The following DENND6B variants were observed in gnomAD, a reference collection of about 807,000 sequenced individuals.
DENND6B encodes protein DENND6B.
DENND6B carries 73 observed loss-of-function variants against 85.1 expected under a neutral mutation model. The ratio of observed to expected loss-of-function variants is 0.86; its 90% confidence interval spans 0.71 to 1.04. The LOEUF is 1.04. Ranked by LOEUF, DENND6B falls within the 50% of genes least tolerant of loss-of-function variation. The probability of loss-of-function intolerance (pLI) is 0.00; values close to 1 mark genes in which losing one functional copy is unlikely to be tolerated. For missense variants in DENND6B, 715 were observed against 785.8 expected, an observed-to-expected ratio of 0.91 and a Z score of 1.08; for synonymous variants, 357 against 329.3, an observed-to-expected ratio of 1.08 and a Z score of -0.91.
chr22:50,316,809 G>A, intron 5 of DENND6B: 2 of 1,218,882 alleles, frequency 1.6e-6, no homozygotes, highest in Non-Finnish European at 2.1e-6. Flanking sequence ...AGGCTGGGTT[G>A]CCCTGACACT....
In DENND6B at chr22:50,317,437, G is replaced by A. The variant is rs111751432; in HGVS notation, c.373-64C>T. The A allele has an allele frequency of 2.4e-5, 38 of 1,584,994 alleles. 1 individual carries two copies. The African/African-American group carries it at 2.7e-4, about 11-fold the overall frequency. ...GGACCACCTGGCCAGCCCCAGGGCT[G>A]GGAGTGGCAAGGAGCATGCAGGGAC... On this transcript the variant is annotated intron_variant, in intron 4 of 19. Transcript: ENST00000413817.
intron 19 of DENND6B, 32 bp downstream of exon 19, chr22:50,312,311 T>C (rs1569194484): frequency 8.7e-6 from 14 of 1,611,000 alleles, no homozygotes; most frequent in Non-Finnish European, 1.2e-5. Flanking sequence ...GCCAGGCTGG[T>C]GGCGCTGGGA....
rs781468640 is a variant in DENND6B at position 50,316,480 on chromosome 22, A to T, written c.454-5T>A. The T allele has an allele frequency of 3.8e-5, 60 of 1,569,240 alleles. No individual in the cohort carries two copies. The highest frequency in any genetic ancestry group is 4.9e-5 in the Non-Finnish European group (57 of 1,158,804). On this transcript the variant is annotated splice_polypyrimidine_tract_variant and splice_region_variant and intron_variant, in intron 5 of 19. Coordinates refer to ENST00000413817, the MANE Select transcript of DENND6B (RefSeq NM_001001794.4). ...GCGGGACACCAGCACCAAAGACTGCAGGGCCACGGGGCCAGTTAGAGGCCC... is the reference window on the plus strand; with the variant it reads ...GCGGGACACCAGCACCAAAGACTGCTGGGCCACGGGGCCAGTTAGAGGCCC...
intron 1 of DENND6B, among the ~76,000 whole-genome samples, chr22:50,325,758 A>T (rs912913439): frequency 6.6e-6 from 1 of 152,164 alleles, no homozygotes; most frequent in African/African-American, 2.4e-5. Context: ...CCACCCAGTG[A>T]TGCTGTTTGA....
chr22:50,311,877 C>A lies in DENND6B; in HGVS notation c.*262G>T. Reference sequence around the variant, plus strand: ...GCTCCCAGCCTGTCCCCGCCCCCGTCCCAGCCTAAGGTCTGCAGAGGCCAG... The same window carrying A: ...GCTCCCAGCCTGTCCCCGCCCCCGTACCAGCCTAAGGTCTGCAGAGGCCAG... On this transcript the variant is annotated 3_prime_UTR_variant, in exon 20 of 20. Transcript: ENST00000413817. 2 of 548,194 alleles carry A rather than the reference C, an allele frequency of 3.6e-6. No homozygotes were observed. Among genetic ancestry groups the A allele is most frequent in the Non-Finnish European group, 3.1e-6 (1 of 317,680 alleles). 34.0% of individuals were successfully genotyped at this position (548,194 alleles called of 1,614,324 possible). A position where few individuals can be genotyped will look rare whatever the true frequency, so the allele number is the denominator to read the frequency against.
intron 1 of DENND6B, among the ~76,000 whole-genome samples, chr22:50,321,698 T>C (rs144337033): frequency 0.04 from 6,100 of 152,180 alleles, 171 homozygotes; most frequent in East Asian, 0.1. Flanking sequence ...AGACAAGGTC[T>C]CACTGTCACC....
Position 50,314,860 on chromosome 22 carries a change from G to T in DENND6B, c.820C>A (p.Pro274Thr), listed in dbSNP as rs955257069. The T allele has an allele frequency of 6.2e-7, 1 of 1,612,108 alleles. No homozygotes were observed. The highest frequency in any genetic ancestry group is 8.5e-7 in the Non-Finnish European group (1 of 1,179,638). Reference protein sequence around the residue: ...TLWELMLLGEPLLVLAPSPDV... With the variant: ...TLWELMLLGETLLVLAPSPDV... ...GGCGAGGGTGCCAGGACTAGCAGGGGCTCCCCGAGGAGCATGAGCTCCCAC... is the reference window on the plus strand; with the variant it reads ...GGCGAGGGTGCCAGGACTAGCAGGGTCTCCCCGAGGAGCATGAGCTCCCAC... The change falls in exon 10 of 20, where the codon CCC becomes ACC. Residue 274 changes from proline (P) to threonine (T), a missense_variant. Transcript: ENST00000413817.
intron 1 of DENND6B, among the ~76,000 whole-genome samples, chr22:50,321,811 C>T (rs966862765): frequency 6.6e-6 from 1 of 152,078 alleles, no homozygotes; most frequent in Non-Finnish European, 1.5e-5. Flanking sequence ...GGACTACAGG[C>T]GTGCGCCCCC....
chr22:50,313,122 G>A lies in DENND6B; in HGVS notation c.1348-14C>T, dbSNP rs1010298982. On this transcript the variant is annotated splice_polypyrimidine_tract_variant and intron_variant, in intron 16 of 19. Transcript: ENST00000413817. ...CTGGGGGGGAGTCTGAGAGGGGATGGGTGAGCCAGCACGTGGGAACTCGGC... is the reference window on the plus strand; with the variant it reads ...CTGGGGGGGAGTCTGAGAGGGGATGAGTGAGCCAGCACGTGGGAACTCGGC... 5.8e-6 allele frequency: 9 copies of A among 1,550,640 alleles called. No individual in the cohort carries two copies. In the African/African-American group the frequency reaches 1.2e-4, roughly 21 times the overall value.
In DENND6B at chr22:50,319,015, G is replaced by A. The variant is rs774056012; in HGVS notation, c.178-12C>T. Reference sequence around the variant, plus strand: ...TTCGGATACACCAGCTGCAGAGGAAGACAGAGTGCTTGGTGACACCATCTG... The same window carrying A: ...TTCGGATACACCAGCTGCAGAGGAAAACAGAGTGCTTGGTGACACCATCTG... On this transcript the variant is annotated splice_polypyrimidine_tract_variant and intron_variant, in intron 1 of 19. Coordinates refer to ENST00000413817, the MANE Select transcript of DENND6B (RefSeq NM_001001794.4). 2.0e-5 allele frequency: 32 copies of A among 1,591,136 alleles called. No homozygotes were observed. Among genetic ancestry groups the A allele is most frequent in the Non-Finnish European group, 2.1e-5 (25 of 1,169,168 alleles).
rs1343288450 is a variant in DENND6B, at chr22:50,318,875, G to A, written c.231C>T (p.Cys77=). The change falls in exon 3 of 20, where the codon TGC becomes TGT. Residue 77 remains cysteine, a synonymous_variant. Coordinates refer to ENST00000413817, the MANE Select transcript of DENND6B (RefSeq NM_001001794.4). ...RLTDKEKSSI[C]YLSFPDSHSG... The stretch of plus-strand genomic sequence containing the variant: ...AGTGCGAGTCGGGAAAAGACAGGTA[G>A]CAGATGCTGCTTTTCTGAAACATAT... 1.9e-6 allele frequency: 3 copies of A among 1,613,298 alleles called. No individual in the cohort carries two copies.
Position 50,316,169 on chromosome 22 carries a change from C to G in DENND6B, c.639+5G>C. Reference sequence around the variant, plus strand: ...GAGCCTACTCCCCAGCCAGCTGGCTCTCACCTGGACAACAACGCCCATGAC... The same window carrying G: ...GAGCCTACTCCCCAGCCAGCTGGCTGTCACCTGGACAACAACGCCCATGAC... On this transcript the variant is annotated splice_donor_5th_base_variant and intron_variant, in intron 7 of 19. Transcript: ENST00000413817. 1 of 1,612,488 alleles carries G rather than the reference C, an allele frequency of 6.2e-7. No homozygotes were observed. The highest frequency in any genetic ancestry group is 1.1e-5 in the South Asian group (1 of 91,088).
Position 50,317,908 on chromosome 22 carries a change from C to G in DENND6B, c.372G>C (p.Gln124His). 6.2e-7 allele frequency: 1 copy of G among 1,606,764 alleles called. No individual in the cohort carries two copies. The highest frequency in any genetic ancestry group is 1.1e-5 in the South Asian group (1 of 90,932). The change falls in exon 4 of 20, where the codon CAG becomes CAC. Residue 124 changes from glutamine (Q) to histidine (H), a missense_variant and splice_region_variant. By Grantham distance (24) the Gln-to-His change is conservative (BLOSUM62 0). Coordinates refer to ENST00000413817, the MANE Select transcript of DENND6B (RefSeq NM_001001794.4). Reference sequence around the variant, plus strand: ...GCCAGAGACGCAGCCCAGTGCTCACCTGCAGTGCCACAGGGGCCCTGCTGT... The same window carrying G: ...GCCAGAGACGCAGCCCAGTGCTCACGTGCAGTGCCACAGGGGCCCTGCTGT... ...HYNSRAPVAL[Q>H]REPAHYFGYV...
Position 50,314,855 on chromosome 22 carries a change from CA to C in DENND6B, c.824del (p.Leu275ArgfsTer2). 2 of 1,612,000 alleles carry C rather than the reference CA, an allele frequency of 1.2e-6. No individual in the cohort carries two copies. The highest frequency in any genetic ancestry group is 1.7e-6 in the Non-Finnish European group (2 of 1,179,588). ...CGTCGGGCGAGGGTGCCAGGACTAG[CA>C]GGGGCTCCCCGAGGAGCATGAGCTC... ...LWELMLLGEPLLVLAPSPDVS... is the reference protein window; with the variant it reads ...LWELMLLGEPXLVLAPSPDVS... On this transcript the variant is annotated frameshift_variant, in exon 10 of 20. Transcript: ENST00000413817. LOFTEE classifies it high-confidence loss of function.
chr22:50,319,986 G>T (rs111701671), intron 1 of DENND6B, among the ~76,000 whole-genome samples: 1 of 152,292 alleles, frequency 6.6e-6, no homozygotes, highest in Non-Finnish European at 1.5e-5. Context: ...GTAGGTCCAC[G>T]CACACATGGA....
chr22:50,313,754 T>G, intron 14 of DENND6B, 30 bp from the exon 15 acceptor site: 5 of 1,607,240 alleles, frequency 3.1e-6, no homozygotes, highest in Non-Finnish European at 3.4e-6. Flanking sequence ...AGGCCCTTGC[T>G]GCGCTTCACA....
intron 1 of DENND6B, among the ~76,000 whole-genome samples, chr22:50,321,861 C>T (rs941387323): frequency 4.0e-5 from 6 of 151,566 alleles, no homozygotes; most frequent in South Asian, 2.1e-4. Flanking sequence ...TACAGGCGTG[C>T]GCCCCCACAC....
At position 50,310,079 on chromosome 22, in the gene DENND6B, C is replaced by T. The variant is rs2068040210; in HGVS notation, c.*2060G>A. ...GGGCCTGTACTGGCCCCCCAGGCCC[C>T]ATCTTATGGAGGTCAGCATTCAAGC... On this transcript the variant is annotated 3_prime_UTR_variant, in exon 20 of 20. Transcript: ENST00000413817. The T allele has an allele frequency of 6.6e-6, 1 of 152,292 alleles. No individual in the cohort carries two copies. Among genetic ancestry groups the T allele is most frequent in the Non-Finnish European group, 1.5e-5 (1 of 68,066 alleles). 9.4% of individuals were successfully genotyped at this position (152,292 alleles called of 1,614,324 possible). A position where few individuals can be genotyped will look rare whatever the true frequency, so the allele number is the denominator to read the frequency against.
At chr22:50,314,777 C>T (rs557497083) in intron 10 of DENND6B, 22 bp downstream of exon 10, 37 of 1,592,466 alleles carry the variant, frequency 2.3e-5, no homozygotes, top group Admixed American at 2.1e-4. Context: ...CTTCCCCAGC[C>T]GGGACCGGGC....
Sources: gnomAD v4.1 joint callset for allele counts (sites outside exome capture counted in the v4.1 genomes callset) on GRCh38, gnomAD v4.1.1 for gene constraint, MANE v1.5 for transcripts, NCBI Gene and HGNC (gene_info 2026-07-23, HGNC 2026-07-21) for gene names.